FER1L6: variants seen among roughly 807,000 people sequenced by gnomAD.
FER1L6 encodes the protein fer-1-like protein 6.
FER1L6 carries 177 observed loss-of-function variants against 219.2 expected under a neutral mutation model. The ratio of observed to expected loss-of-function variants is 0.81; its 90% CI spans 0.71 to 0.91. The LOEUF (loss-of-function observed/expected upper bound fraction) is 0.91, where lower values mean the gene tolerates loss of function less well. Among genes scored for constraint, FER1L6 ranks in the 40% least tolerant of loss-of-function variants. The pLI is 0.00. For missense variants in FER1L6, 2,153 were observed against 2,259.9 expected (o/e 0.95, Z 0.96); for synonymous variants, 768 against 824.3 (o/e 0.93, Z 1.17).
At chr8:124,080,209 GTT>G (rs1821478198) in intron 32 of FER1L6, among the ~76,000 whole-genome samples, 1 of 152,114 alleles carries the variant, frequency 6.6e-6, no homozygotes, top group Non-Finnish European at 1.5e-5. Flanking sequence ...GATGCATTCT[GTT>G]TTCCCAAACC....
chr8:124,021,132 A>G (rs1275554266), intron 16 of FER1L6, among the ~76,000 whole-genome samples: 1 of 152,106 alleles, frequency 6.6e-6, no homozygotes, highest in African/African-American at 2.4e-5. Context: ...ACTCACTATC[A>G]CGAGAACAAA....
In FER1L6 at chr8:123,985,917, T is replaced by C. The variant is rs1266282999; in HGVS notation, c.1411-151T>C. ...GTTTGCAGATCCTGATTCATACATGTCTTATTTGGGGGGAAACGCTGTGCC... is the reference window on the plus strand; with the variant it reads ...GTTTGCAGATCCTGATTCATACATGCCTTATTTGGGGGGAAACGCTGTGCC... On this transcript the variant is annotated intron_variant, in intron 11 of 40. Coordinates refer to ENST00000522917, the MANE Select transcript of FER1L6 (RefSeq NM_001039112.2). 5 of 599,928 alleles carry C rather than the reference T, an allele frequency of 8.3e-6. No homozygotes were observed. In the East Asian group the frequency reaches 1.4e-4, roughly 17 times the overall value. The allele number at this position is 599,928 out of a possible 1,614,324, so 37.2% of individuals were successfully genotyped here.
At chr8:124,003,391 G>A in intron 13 of FER1L6, 44 bp downstream of exon 13, 1 of 1,463,642 alleles carries the variant, frequency 6.8e-7, no homozygotes, top group East Asian at 2.4e-5. Flanking sequence ...TTTTGCTGGT[G>A]GAATTTTGTC....
chr8:123,956,144 A>C (rs1467798901), intron 2 of FER1L6, 70 bp downstream of exon 2: 10 of 1,361,690 alleles, frequency 7.3e-6, no homozygotes, highest in Non-Finnish European at 1.0e-5. Flanking sequence ...CCGTGGCTGA[A>C]AATGCAGTTC....
chr8:123,937,057 C>G (rs1431972133), intron 1 of FER1L6, among the ~76,000 whole-genome samples: 3 of 152,152 alleles, frequency 2.0e-5, no homozygotes, highest in African/African-American at 7.2e-5. Context: ...AGGTGCCCAC[C>G]ACCATGCCCG....
chr8:124,021,766 T>C (rs1453164518), intron 17 of FER1L6, 97 bp downstream of exon 17: 1 of 1,464,466 alleles, frequency 6.8e-7, no homozygotes, highest in Non-Finnish European at 9.4e-7. Flanking sequence ...TGAATCAATG[T>C]TTTTCTCCCC....
At chr8:123,919,034 A>G (rs1689596265) in intron 1 of FER1L6, among the ~76,000 whole-genome samples, 1 of 152,092 alleles carries the variant, frequency 6.6e-6, no homozygotes, top group African/African-American at 2.4e-5. Context: ...GAGGCAGTAC[A>G]ATAACTCTGG....
chr8:123,964,891 T>C (rs1454517045), intron 3 of FER1L6, among the ~76,000 whole-genome samples: 3 of 152,206 alleles, frequency 2.0e-5, no homozygotes, highest in Non-Finnish European at 4.4e-5. Flanking sequence ...TGCCTACTAG[T>C]TCTTTTTAAA....
chr8:123,893,233 T>C (rs1812682154), intron 1 of FER1L6, among the ~76,000 whole-genome samples: 1 of 152,150 alleles, frequency 6.6e-6, no homozygotes, highest in South Asian at 2.1e-4. Flanking sequence ...AAAGAACTCT[T>C]GAAAGCAGGT....
At chr8:123,873,386 T>C (rs1816955574) in intron 1 of FER1L6, among the ~76,000 whole-genome samples, 1 of 152,366 alleles carries the variant, frequency 6.6e-6, no homozygotes, top group African/African-American at 2.4e-5. Context: ...GAATGTGGCC[T>C]TTCCCTCCTT....
At chr8:123,869,829 G>A (rs1816896429) in intron 1 of FER1L6, among the ~76,000 whole-genome samples, 1 of 152,216 alleles carries the variant, frequency 6.6e-6, no homozygotes, top group Non-Finnish European at 1.5e-5. Flanking sequence ...TGGTACTGGT[G>A]AAAGAGTAGA....
At chr8:123,996,585 A>G (rs1817145469) in intron 12 of FER1L6, among the ~76,000 whole-genome samples, 1 of 152,022 alleles carries the variant, frequency 6.6e-6, no homozygotes, top group African/African-American at 2.4e-5. Flanking sequence ...TTATTCTGCC[A>G]CTGTATATTT....
At chr8:124,045,417 G>A (rs1182377276) in intron 20 of FER1L6, among the ~76,000 whole-genome samples, 1 of 152,194 alleles carries the variant, frequency 6.6e-6, no homozygotes, top group Non-Finnish European at 1.5e-5. Context: ...GACAGTGCAT[G>A]TGAAATTCAG....
At chr8:124,029,053 G>A (rs545143376) in intron 18 of FER1L6, among the ~76,000 whole-genome samples, 39 of 152,278 alleles carry the variant, frequency 2.6e-4, no homozygotes, top group African/African-American at 8.9e-4. Flanking sequence ...TCCTGTGTTA[G>A]TTTGCTGAGA....
intron 1 of FER1L6, among the ~76,000 whole-genome samples, chr8:123,898,266 A>C (rs183064861): frequency 1.3e-5 from 2 of 152,248 alleles, no homozygotes; most frequent in East Asian, 3.9e-4. Flanking sequence ...TTGAATAAAA[A>C]TTATTTAAAT....
rs1351003816 is a variant in FER1L6 at position 124,111,126 on chromosome 8, T to G, written c.5290-7718T>G. Among the ~76,000 whole-genome samples the G allele has an allele frequency of 6.6e-6, 1 of 152,192 alleles. No homozygotes were observed. Among genetic ancestry groups the G allele is most frequent in the Non-Finnish European group, 1.5e-5 (1 of 68,018 alleles). On this transcript the variant is annotated intron_variant, in intron 39 of 40. Transcript: ENST00000522917. The surrounding 1 kb of genome is among the most constrained non-coding windows in gnomAD (Gnocchi z 5.0). The stretch of plus-strand genomic sequence containing the variant: ...CTGTCAGCTTTCAAAACAATTTATA[T>G]ACGTTACAGAGAGAAGAGAAAGTAC...
intron 37 of FER1L6, among the ~76,000 whole-genome samples, chr8:124,098,798 T>C (rs1251762755): frequency 6.6e-6 from 1 of 152,092 alleles, no homozygotes; most frequent in Non-Finnish European, 1.5e-5. Context: ...TTCTGGAAAA[T>C]GTGATGAAGG....
intron 13 of FER1L6, among the ~76,000 whole-genome samples, chr8:124,007,350 C>T (rs1452844823): frequency 6.6e-6 from 1 of 152,052 alleles, no homozygotes; most frequent in Non-Finnish European, 1.5e-5. Context: ...CATCCTGTCA[C>T]ACCCATTCCA....
intron 32 of FER1L6, among the ~76,000 whole-genome samples, chr8:124,081,164 T>C (rs77892843): frequency 0.01 from 1,597 of 152,202 alleles, 15 homozygotes; most frequent in Middle Eastern, 0.054. Context: ...CCCTCCTCTT[T>C]GTCTATCGCT....
Sources: gnomAD v4.1 joint callset for allele counts (sites outside exome capture counted in the v4.1 genomes callset) on GRCh38, gnomAD v4.1.1 for gene constraint, Gnocchi (gnomAD v3.1) non-coding constraint, MANE v1.5 for transcripts, NCBI Gene and HGNC (gene_info 2026-07-23, HGNC 2026-07-21) for gene names.